Variants in PTPRT observed in about 807,000 individuals in gnomAD.
PTPRT encodes protein tyrosine phosphatase receptor type T, also known as receptor-type tyrosine-protein phosphatase T.
PTPRT carries 56 observed loss-of-function variants against 176.8 expected under a neutral mutation model. The observed-to-expected ratio is 0.32, with a 90% confidence interval of 0.26 to 0.40. The LOEUF is 0.40. Among genes scored for constraint, PTPRT ranks in the 10% least tolerant of loss-of-function variants. The probability of loss-of-function intolerance (pLI) is 1.00; values close to 1 mark genes in which losing one functional copy is unlikely to be tolerated. For synonymous variants in PTPRT, 783 were observed against 739.0 expected (o/e 1.06, Z -0.96); for missense variants, 1,540 against 1,908.2 (o/e 0.81, Z 3.60).
At chr20:42,212,985 G>C (rs2146748520) in intron 15 of PTPRT, among the ~76,000 whole-genome samples, 1 of 152,236 alleles carries the variant, frequency 6.6e-6, no homozygotes, top group Non-Finnish European at 1.5e-5. Flanking sequence ...TAATTGGTCT[G>C]GGGTGCAGCC....
intron 2 of PTPRT, among the ~76,000 whole-genome samples, chr20:42,848,349 G>C (rs1375711198): frequency 6.6e-6 from 1 of 152,160 alleles, no homozygotes. Context: ...CCAGTAGTGG[G>C]ATTGCTGGAT....
chr20:42,715,001 TG>T (rs1481656955), intron 6 of PTPRT, among the ~76,000 whole-genome samples: 2 of 152,224 alleles, frequency 1.3e-5, no homozygotes, highest in African/African-American at 4.8e-5. Flanking sequence ...TCTGGAATCC[TG>T]GCCCACCTGC....
At chr20:42,693,161 T>C (rs548354489) in intron 6 of PTPRT, among the ~76,000 whole-genome samples, 70 of 152,342 alleles carry the variant, frequency 4.6e-4, no homozygotes, top group African/African-American at 1.6e-3. Context: ...TTTGTGTATA[T>C]ACATGTATTC....
intron 9 of PTPRT, among the ~76,000 whole-genome samples, chr20:42,443,899 G>A (rs778004621): frequency 5.9e-5 from 9 of 152,212 alleles, no homozygotes; most frequent in Non-Finnish European, 8.8e-5. Context: ...TGATGGAAAT[G>A]TCCTTGCCTC....
intron 23 of PTPRT, among the ~76,000 whole-genome samples, chr20:42,108,273 G>A (rs866113421): frequency 4.6e-5 from 7 of 152,024 alleles, no homozygotes; most frequent in African/African-American, 1.7e-4. Context: ...GCATCACATA[G>A]TAATTGAACA....
intron 11 of PTPRT, among the ~76,000 whole-genome samples, chr20:42,321,977 G>T (rs1197386702): frequency 6.6e-6 from 1 of 152,120 alleles, no homozygotes; most frequent in African/African-American, 2.4e-5. Context: ...GGAGGCGGAG[G>T]CAGGAGAATG....
chr20:42,747,817 A>G (rs2035121898), intron 6 of PTPRT, among the ~76,000 whole-genome samples: 1 of 152,200 alleles, frequency 6.6e-6, no homozygotes, highest in South Asian at 2.1e-4. Context: ...CATGTTAAGA[A>G]GTTTGGATTT....
chr20:42,955,394 C>CACAAGCAGCATCTTTTA (rs1981562348), intron 1 of PTPRT, among the ~76,000 whole-genome samples: 1 of 152,106 alleles, frequency 6.6e-6, no homozygotes, highest in East Asian at 1.9e-4. Flanking sequence ...TGTTTGTTGT[C>CACAAGCAGCATCTTTTA]ACAAGCAGCA....
At chr20:42,415,010 G>T (rs751137354) in intron 9 of PTPRT, among the ~76,000 whole-genome samples, 1 of 152,160 alleles carries the variant, frequency 6.6e-6, no homozygotes, top group African/African-American at 2.4e-5. Context: ...TATGGTAATC[G>T]TGCAGAACAG....
chr20:42,536,266 A>G (rs181418483), intron 7 of PTPRT, among the ~76,000 whole-genome samples: 149 of 152,268 alleles, frequency 9.8e-4, no homozygotes, highest in African/African-American at 3.1e-3. Flanking sequence ...TGCCCTATAC[A>G]TTATCTCCTT....
intron 1 of PTPRT, among the ~76,000 whole-genome samples, chr20:42,930,411 A>T (rs1979762338): frequency 6.6e-6 from 1 of 152,218 alleles, no homozygotes; most frequent in Non-Finnish European, 1.5e-5. Flanking sequence ...GGTACCAAGC[A>T]AGTTCCCTAA....
chr20:42,392,491 T>TA (rs2058809572), intron 9 of PTPRT, among the ~76,000 whole-genome samples: 3 of 152,296 alleles, frequency 2.0e-5, no homozygotes, highest in African/African-American at 4.8e-5. Flanking sequence ...TCTTTCTTTT[T>TA]AAAAAAATAA....
At chr20:42,086,932 C>T (rs1342539771) in intron 27 of PTPRT, among the ~76,000 whole-genome samples, 1 of 150,106 alleles carries the variant, frequency 6.7e-6, no homozygotes, top group Non-Finnish European at 1.5e-5. Context: ...ATGATTCTTT[C>T]TATTTATCTG....
At chr20:42,802,802 G>T (rs1235681207) in intron 2 of PTPRT, among the ~76,000 whole-genome samples, 2 of 152,192 alleles carry the variant, frequency 1.3e-5, no homozygotes, top group African/African-American at 4.8e-5. Flanking sequence ...CAAACTGCCA[G>T]ATCAAATCCC....
intron 1 of PTPRT, among the ~76,000 whole-genome samples, chr20:43,099,578 C>A (rs1319612921): frequency 6.6e-6 from 1 of 152,146 alleles, no homozygotes; most frequent in Non-Finnish European, 1.5e-5. Flanking sequence ...CAAGTTTGCC[C>A]ACACAAGTAT....
At chr20:42,995,887 GCT>G (rs1984194333) in intron 1 of PTPRT, among the ~76,000 whole-genome samples, 1 of 151,824 alleles carries the variant, frequency 6.6e-6, no homozygotes, top group Non-Finnish European at 1.5e-5. Flanking sequence ...AGTGGTCATA[GCT>G]CACTGCAGCC....
At chr20:42,389,173 G>GC (rs2058775071) in intron 9 of PTPRT, among the ~76,000 whole-genome samples, 1 of 151,972 alleles carries the variant, frequency 6.6e-6, no homozygotes, top group African/African-American at 2.4e-5. Flanking sequence ...TATATCTAAT[G>GC]TAAATGACGA....
intron 1 of PTPRT, among the ~76,000 whole-genome samples, chr20:42,911,060 A>G (rs1323844418): frequency 6.6e-6 from 1 of 152,152 alleles, no homozygotes; most frequent in African/African-American, 2.4e-5. Flanking sequence ...CCATGATTCA[A>G]TTACCTCCAC....
intron 1 of PTPRT, 105 bp from the exon 2 acceptor site, chr20:42,886,037 G>A: frequency 1.3e-6 from 1 of 783,510 alleles, no homozygotes; most frequent in Non-Finnish European, 1.7e-6. Flanking sequence ...TTTAAACTCT[G>A]GAGAAGATTT....
Sources: gnomAD v4.1 joint callset for allele counts (sites outside exome capture counted in the v4.1 genomes callset) on GRCh38, gnomAD v4.1.1 for gene constraint, MANE v1.5 for transcripts, NCBI Gene and HGNC (gene_info 2026-07-23, HGNC 2026-07-21) for gene names.